The following IFT46 variants were observed in gnomAD, a reference collection of about 807,000 sequenced individuals.
IFT46 encodes the protein intraflagellar transport 46.
IFT46 carries 19 observed loss-of-function variants against 39.6 expected under a neutral mutation model. The observed-to-expected ratio is 0.48, with a 90% CI of 0.33 to 0.70. IFT46 has a LOEUF of 0.70. Ranked by LOEUF, IFT46 falls within the 30% of genes least tolerant of loss-of-function variation. The pLI, the probability that IFT46 is intolerant of heterozygous loss-of-function variation, is 0.01. For synonymous variants in IFT46, 117 were observed against 134.8 expected (o/e 0.87, Z 0.91); for missense variants, 334 against 364.8 (o/e 0.92, Z 0.69).
At position 118,555,317 on chromosome 11, in the gene IFT46, T is replaced by C. The variant is rs143192297; in HGVS notation, c.191A>G (p.Tyr64Cys). The C allele has an allele frequency of 1.9e-5, 31 of 1,613,622 alleles. No homozygotes were observed. The Admixed American group carries it at 3.7e-4, about 19-fold the overall frequency. Residue 64 changes from tyrosine to cysteine, a missense_variant, in exon 5 of 12, where the codon TAT (tyrosine) becomes TGT (cysteine). Tyr to Cys is a radical substitution (Grantham distance 194). Transcript: ENST00000264021. ...CAAATGCTCATAGTCTGCAGGGTCATAGGCCCTGGGAAAAGGAAAACAGTT... is the reference window on the plus strand; with the variant it reads ...CAAATGCTCATAGTCTGCAGGGTCACAGGCCCTGGGAAAAGGAAAACAGTT... ...EEHGAPLEGA[Y>C]DPADYEHLPV...
intron 9 of IFT46, 96 bp downstream of exon 9, chr11:118,551,690 A>AT: frequency 1.1e-5 from 9 of 840,820 alleles, no homozygotes; most frequent in Non-Finnish European, 1.5e-5. Flanking sequence ...AAAAAAAAAA[A>AT]GTTACCAATA....
intron 9 of IFT46, 171 bp from the exon 10 acceptor site, chr11:118,546,024 G>A (rs1467236603): frequency 1.4e-6 from 1 of 711,994 alleles, no homozygotes. Context: ...TTCAGAATGT[G>A]ACTATATTTG....
chr11:118,549,462 A>G (rs1221664959), intron 9 of IFT46, among the ~76,000 whole-genome samples: 5 of 151,194 alleles, frequency 3.3e-5, no homozygotes, highest in South Asian at 2.1e-4. Flanking sequence ...TGTTTATGGT[A>G]TCTATTGGTA....
intron 10 of IFT46, 100 bp downstream of exon 10, chr11:118,545,693 G>C: frequency 2.2e-6 from 3 of 1,354,006 alleles, no homozygotes; most frequent in Non-Finnish European, 3.2e-6. Flanking sequence ...AGTGAAGGCT[G>C]AAACTCAAGA....
At chr11:118,570,351 C>T (rs1165668744), upstream of IFT46, among the ~76,000 whole-genome samples, 4 of 152,072 alleles carry the variant, frequency 2.6e-5, no homozygotes, top group Admixed American at 6.5e-5. Context: ...TGAGCCACCG[C>T]GCCCAGCCAG....
upstream of IFT46, among the ~76,000 whole-genome samples, chr11:118,570,303 G>A (rs181350194): frequency 2.5e-3 from 383 of 150,300 alleles, 1 homozygote; most frequent in Non-Finnish European, 4.1e-3. Flanking sequence ...CTTGTGATCC[G>A]CCCACCTCAG....
At chr11:118,552,447 G>T in intron 7 of IFT46, 112 bp from the exon 8 acceptor site, 1 of 1,272,396 alleles carries the variant, frequency 7.9e-7, no homozygotes, top group Non-Finnish European at 1.1e-6. Flanking sequence ...GATGACAGCT[G>T]CTGCCACGTG....
intron 6 of IFT46, 105 bp downstream of exon 6, chr11:118,554,885 C>T (rs1937774541): frequency 5.8e-6 from 5 of 854,736 alleles, no homozygotes; most frequent in East Asian, 2.6e-5. Flanking sequence ...ATGAAATGAA[C>T]ATGACTAGCC....
At chr11:118,556,085 C>T (rs146305387) in intron 4 of IFT46, among the ~76,000 whole-genome samples, 1,743 of 152,178 alleles carry the variant, frequency 0.011, 19 homozygotes, top group Middle Eastern at 0.031. Context: ...TGCAGTGACC[C>T]GATCATAGCT....
At chr11:118,561,471 A>C in intron 2 of IFT46, 1 of 791,002 alleles carries the variant, frequency 1.3e-6, no homozygotes. Flanking sequence ...AAAGAAGTTA[A>C]AAAGAATAGG....
chr11:118,565,416 C>T (rs1045969776), intron 1 of IFT46, among the ~76,000 whole-genome samples: 15 of 144,312 alleles, frequency 1.0e-4, no homozygotes, highest in African/African-American at 3.9e-4. Flanking sequence ...TCAGGGAAGG[C>T]TGTAGAGGTT....
intron 1 of IFT46, among the ~76,000 whole-genome samples, chr11:118,571,368 T>C (rs182068209): frequency 6.3e-4 from 96 of 152,378 alleles, no homozygotes; most frequent in African/African-American, 2.0e-3. Context: ...ACTTTTTGGC[T>C]ACTATGAATA....
At chr11:118,553,804 A>G (rs148796598) in intron 7 of IFT46, among the ~76,000 whole-genome samples, 1,814 of 152,286 alleles carry the variant, frequency 0.012, 23 homozygotes, top group African/African-American at 0.039. Flanking sequence ...CAGCCATAAC[A>G]AAGGAATGAA....
At chr11:118,549,914 C>T (rs1481620044) in intron 9 of IFT46, among the ~76,000 whole-genome samples, 1 of 150,342 alleles carries the variant, frequency 6.7e-6, no homozygotes, top group African/African-American at 2.4e-5. Context: ...CAGCCTCCCA[C>T]TCCATTATGA....
chr11:118,546,165 G>C, intron 9 of IFT46: 1 of 718,458 alleles, frequency 1.4e-6, no homozygotes, highest in Non-Finnish European at 2.6e-6. Context: ...AAGACCATGG[G>C]AAGACACAGA....
chr11:118,551,670 C>CA (rs537215530), intron 9 of IFT46, 116 bp downstream of exon 9: 35,697 of 454,448 alleles, frequency 0.079, 9 homozygotes, highest in East Asian at 0.12. Flanking sequence ...GACCCTGTCT[C>CA]AAAAAAAAAA....
intron 9 of IFT46, among the ~76,000 whole-genome samples, chr11:118,548,732 C>T (rs1555067770): frequency 6.6e-6 from 1 of 151,836 alleles, no homozygotes; most frequent in Non-Finnish European, 1.5e-5. Flanking sequence ...GATCTCTTGA[C>T]CTCTTGCCTC....
chr11:118,571,181 C>T (rs1326647451), intron 1 of IFT46, among the ~76,000 whole-genome samples: 2 of 152,298 alleles, frequency 1.3e-5, no homozygotes, highest in Non-Finnish European at 1.5e-5. Flanking sequence ...CTGGATCTTT[C>T]GTATTAATGG....
At chr11:118,566,958 T>C (rs1938239494), upstream of IFT46, among the ~76,000 whole-genome samples, 1 of 151,490 alleles carries the variant, frequency 6.6e-6, no homozygotes, top group Non-Finnish European at 1.5e-5. Context: ...GGAGGCCAGG[T>C]GCGGTGGCTC....
Sources: gnomAD v4.1 joint callset for allele counts (sites outside exome capture counted in the v4.1 genomes callset) on GRCh38, gnomAD v4.1.1 for gene constraint, MANE v1.5 for transcripts, NCBI Gene and HGNC (gene_info 2026-07-23, HGNC 2026-07-21) for gene names.